LPP: variants seen among roughly 807,000 people sequenced by gnomAD.
LPP encodes the protein LIM domain containing preferred translocation partner in lipoma, also known as lipoma-preferred partner.
In LPP, 38 loss-of-function variants were observed where a neutral mutation model predicts 60.4. That is an observed-to-expected ratio of 0.63 (90% CI 0.49 to 0.83). LPP has a LOEUF of 0.83. LPP is among the 40% of genes least tolerant of loss of function. The pLI is 0.00. For synonymous variants in LPP, 328 were observed against 290.8 expected (o/e 1.13, Z -1.30); for missense variants, 902 against 783.6 (o/e 1.15, Z -1.80).
intron 6 of LPP, among the ~76,000 whole-genome samples, chr3:188,582,744 G>A (rs1450723766): frequency 1.3e-5 from 2 of 152,134 alleles, no homozygotes; most frequent in African/African-American, 2.4e-5. Context: ...ACTTCTCTCA[G>A]GAATTTTTTC....
Position 188,832,172 on chromosome 3 carries a change from G to T in LPP, c.1411-34028G>T, listed in dbSNP as rs182394541. On this transcript the variant is annotated intron_variant, in intron 9 of 11. Transcript: ENST00000617246. ...AATAGAAGAAGGCAAAGGTGTTGGG[G>T]TGTAACTTACCATGATTACATGTTG... 1.9e-3 allele frequency among the ~76,000 whole-genome samples: 295 copies of T among 152,246 alleles called. 1 individual carries two copies. Among genetic ancestry groups the T allele is most frequent in the Non-Finnish European group, 2.1e-3 (144 of 68,004 alleles).
chr3:188,280,382 A>G (rs1030928360), intron 2 of LPP, among the ~76,000 whole-genome samples: 13 of 152,160 alleles, frequency 8.5e-5, no homozygotes, highest in African/African-American at 3.1e-4. Context: ...TGAGAGAGCA[A>G]TTTGCTTTCC....
At chr3:188,184,806 C>T (rs1360274333) in intron 1 of LPP, among the ~76,000 whole-genome samples, 1 of 150,938 alleles carries the variant, frequency 6.6e-6, no homozygotes, top group African/African-American at 2.4e-5. Flanking sequence ...CTGTTAATGA[C>T]TAAGAGTTAG....
intron 2 of LPP, among the ~76,000 whole-genome samples, chr3:188,325,424 A>G (rs1190182828): frequency 6.6e-6 from 1 of 152,106 alleles, no homozygotes; most frequent in African/African-American, 2.4e-5. Flanking sequence ...AGTATCTTTC[A>G]AGGCTTAGCT....
intron 1 of LPP, among the ~76,000 whole-genome samples, chr3:188,216,994 T>A (rs1263431113): frequency 6.6e-6 from 1 of 152,240 alleles, no homozygotes; most frequent in East Asian, 1.9e-4. Flanking sequence ...CCTTGCACTG[T>A]TCTGGGCATT....
Position 188,890,015 on chromosome 3 carries a change from G to C in LPP, c.*15536G>C, listed in dbSNP as rs904004195. 2.8e-5 allele frequency: 6 copies of C among 213,802 alleles called. No homozygotes were observed. Among genetic ancestry groups the C allele is most frequent in the African/African-American group, 1.4e-4 (6 of 44,250 alleles). 13.2% of individuals were successfully genotyped at this position (213,802 alleles called of 1,614,324 possible). On this transcript the variant is annotated 3_prime_UTR_variant, in exon 12 of 12. Transcript: ENST00000617246. ...TTTTTCCTTGGAAACAAATGGACTG[G>C]GAAGAAACACAGCATGGCTTTGCTC...
chr3:188,281,616 A>AAAAAAAAAAAC (rs1742086837), intron 2 of LPP, among the ~76,000 whole-genome samples: 1 of 150,606 alleles, frequency 6.6e-6, no homozygotes, highest in Non-Finnish European at 1.5e-5. Flanking sequence ...AAAAAAAAAA[A>AAAAAAAAAAAC]AAAAAAGCTC....
chr3:188,607,370 G>GATAGATAGATATATATAT (rs1553941079), intron 6 of LPP, among the ~76,000 whole-genome samples: 1 of 102,732 alleles, frequency 9.7e-6, no homozygotes, highest in African/African-American at 3.6e-5. Context: ...GAAAATAGAA[G>GATAGATAGATATATATAT]ATATATATAT....
intron 9 of LPP, among the ~76,000 whole-genome samples, chr3:188,825,269 C>CTCTCTCTGTGTGTGTG (rs1463318065): frequency 4.7e-4 from 48 of 101,746 alleles, no homozygotes; most frequent in African/African-American, 1.7e-3. Context: ...CTCTCTCTCT[C>CTCTCTCTGTGTGTGTG]TGTGTGTGTG....
chr3:188,172,206 G>A (rs911074133), intron 1 of LPP, among the ~76,000 whole-genome samples: 7 of 152,292 alleles, frequency 4.6e-5, no homozygotes, highest in African/African-American at 1.7e-4. Context: ...TTCCTGGTTA[G>A]ATAGGCCCAA....
intron 9 of LPP, among the ~76,000 whole-genome samples, chr3:188,795,926 T>G (rs538989255): frequency 6.6e-5 from 10 of 150,866 alleles, no homozygotes; most frequent in South Asian, 4.1e-4. Flanking sequence ...AATCTCTTAC[T>G]CCTCCTTGTT....
intron 1 of LPP, among the ~76,000 whole-genome samples, chr3:188,173,071 G>A (rs933401212): frequency 2.0e-5 from 3 of 152,122 alleles, no homozygotes; most frequent in Admixed American, 6.5e-5. Flanking sequence ...GTCTCACTGT[G>A]TTGCCCAGGC....
At chr3:188,787,468 G>T (rs538136415) in intron 9 of LPP, among the ~76,000 whole-genome samples, 1 of 151,750 alleles carries the variant, frequency 6.6e-6, no homozygotes, top group African/African-American at 2.4e-5. Flanking sequence ...TATTGTCTTT[G>T]CTCTACTAAC....
rs528525724 is a variant in LPP, at chr3:188,386,256, G to C, written c.-9-19856G>C. On this transcript the variant is annotated intron_variant, in intron 3 of 11. Coordinates refer to ENST00000617246, the MANE Select transcript of LPP (RefSeq NM_001375462.1). Reference sequence around the variant, plus strand: ...TTCAGTAGATAGCACTTAAGTCATAGCATGCGCGCACACACACACACACAC... The same window carrying C: ...TTCAGTAGATAGCACTTAAGTCATACCATGCGCGCACACACACACACACAC... Among the ~76,000 whole-genome samples, 183 of 52,598 alleles carry C rather than the reference G, an allele frequency of 3.5e-3. 2 individuals carry two copies. In the South Asian group the frequency reaches 0.073, roughly 21 times the overall value. The allele number at this position is 52,598 out of a possible 152,430, so 34.5% of individuals were successfully genotyped here.
At chr3:188,742,646 A>G (rs983321791) in intron 8 of LPP, among the ~76,000 whole-genome samples, 1 of 152,074 alleles carries the variant, frequency 6.6e-6, no homozygotes, top group African/African-American at 2.4e-5. Context: ...TGGTTTGCTG[A>G]GGCTGGGAGT....
intron 7 of LPP, among the ~76,000 whole-genome samples, chr3:188,635,552 T>C (rs1012555396): frequency 6.6e-6 from 1 of 152,198 alleles, no homozygotes; most frequent in African/African-American, 2.4e-5. Flanking sequence ...CACACAATGC[T>C]ACTGAGCCTC....
At chr3:188,346,903 T>A (rs1764552644) in intron 3 of LPP, among the ~76,000 whole-genome samples, 1 of 152,208 alleles carries the variant, frequency 6.6e-6, no homozygotes, top group Non-Finnish European at 1.5e-5. Flanking sequence ...AGCATGACTT[T>A]TGGCATGTAT....
intron 8 of LPP, among the ~76,000 whole-genome samples, chr3:188,715,820 A>T (rs1184445941): frequency 6.6e-6 from 1 of 152,230 alleles, no homozygotes; most frequent in Non-Finnish European, 1.5e-5. Flanking sequence ...TTTTTTCCAA[A>T]TAATAATATT....
At chr3:188,406,018 A>T in intron 3 of LPP, 94 bp from the exon 4 acceptor site, 1 of 1,100,036 alleles carries the variant, frequency 9.1e-7, no homozygotes, top group Non-Finnish European at 1.3e-6. Flanking sequence ...ATCAGGATGC[A>T]TTTAGTATGG....
Sources: allele counts gnomAD v4.1 joint callset (sites outside exome capture counted in the v4.1 genomes callset), GRCh38; gene constraint gnomAD v4.1.1; transcripts MANE v1.5; gene names NCBI Gene and HGNC (gene_info 2026-07-23, HGNC 2026-07-21).